The following CCDC192 variants were observed in gnomAD, a reference collection of about 807,000 sequenced individuals.
The protein encoded by CCDC192 is coiled-coil domain containing 192, also known as coiled-coil domain-containing protein 192.
intron 2 of CCDC192, among the ~76,000 whole-genome samples, chr5:127,730,324 A>G (rs956490549): frequency 2.6e-5 from 4 of 152,202 alleles, no homozygotes; most frequent in African/African-American, 2.4e-5. Flanking sequence ...CTGAACCAAT[A>G]TGAAGTTGAT....
intron 2 of CCDC192, among the ~76,000 whole-genome samples, chr5:127,743,463 A>T (rs1753544312): frequency 6.6e-6 from 1 of 152,296 alleles, no homozygotes; most frequent in South Asian, 2.1e-4. Flanking sequence ...AAATGTTGAG[A>T]CGCAGACAAA....
intron 6 of CCDC192, among the ~76,000 whole-genome samples, chr5:127,918,477 T>G (rs1753594510): frequency 6.6e-6 from 1 of 152,206 alleles, no homozygotes; most frequent in Admixed American, 6.5e-5. Context: ...GTCATTGTTT[T>G]ATCCCCAAGG....
chr5:127,836,191 G>A (rs1164039568), intron 5 of CCDC192, among the ~76,000 whole-genome samples: 1 of 152,128 alleles, frequency 6.6e-6, no homozygotes, highest in Non-Finnish European at 1.5e-5. Context: ...AATCCAGCAG[G>A]GCAGTCAAAT....
chr5:127,911,029 C>T (rs1341318745), intron 6 of CCDC192, among the ~76,000 whole-genome samples: 2 of 152,116 alleles, frequency 1.3e-5, no homozygotes, highest in African/African-American at 2.4e-5. Context: ...GACCTTCAAA[C>T]TTTGTAAACA....
intron 6 of CCDC192, among the ~76,000 whole-genome samples, chr5:127,923,602 C>T (rs1275524946): frequency 1.3e-5 from 2 of 152,190 alleles, no homozygotes; most frequent in East Asian, 3.9e-4. Context: ...TGGTCTTGAT[C>T]TTCTGACCTT....
At chr5:127,786,919 A>G (rs1250703237) in intron 3 of CCDC192, 5 of 418,638 alleles carry the variant, frequency 1.2e-5, no homozygotes, top group South Asian at 2.2e-5. Flanking sequence ...AGCTCCATGT[A>G]TCTGGACCTG....
At chr5:127,745,266 G>T (rs544948740) in intron 2 of CCDC192, among the ~76,000 whole-genome samples, 15 of 152,154 alleles carry the variant, frequency 9.9e-5, no homozygotes, top group Admixed American at 1.3e-4. Context: ...AGAAATAAAG[G>T]CTTAACAGCA....
At chr5:127,786,416 C>T in intron 3 of CCDC192, 1 of 622,576 alleles carries the variant, frequency 1.6e-6, no homozygotes, top group Non-Finnish European at 3.0e-6. Flanking sequence ...CATCTTCCTT[C>T]AGCTCCAATT....
intron 3 of CCDC192, among the ~76,000 whole-genome samples, chr5:127,772,390 G>C (rs574004059): frequency 8.6e-5 from 13 of 151,636 alleles, no homozygotes; most frequent in Middle Eastern, 3.4e-3. Flanking sequence ...ACCTGTGTTG[G>C]GGGGGTGCGG....
At chr5:127,882,843 T>C (rs1358913248) in intron 6 of CCDC192, among the ~76,000 whole-genome samples, 1 of 151,934 alleles carries the variant, frequency 6.6e-6, no homozygotes, top group Non-Finnish European at 1.5e-5. Flanking sequence ...TTGAACAATG[T>C]CACCTTTTCC....
At chr5:127,878,681 C>T (rs553880862) in intron 6 of CCDC192, among the ~76,000 whole-genome samples, 21 of 152,132 alleles carry the variant, frequency 1.4e-4, no homozygotes, top group African/African-American at 4.6e-4. Flanking sequence ...ATTGCCTTGG[C>T]GATGCGGGCT....
At chr5:127,850,662 T>G (rs962293279) in intron 5 of CCDC192, among the ~76,000 whole-genome samples, 1 of 151,932 alleles carries the variant, frequency 6.6e-6, no homozygotes, top group African/African-American at 2.4e-5. Flanking sequence ...ACTAGCAAAT[T>G]TCGGTTTCCA....
intron 2 of CCDC192, among the ~76,000 whole-genome samples, chr5:127,714,382 G>A (rs904954937): frequency 1.3e-5 from 2 of 151,964 alleles, no homozygotes; most frequent in Admixed American, 1.3e-4. Flanking sequence ...TGGATCATAG[G>A]GTAGTTTATT....
At chr5:127,797,761 A>G (rs1025999493) in intron 4 of CCDC192, among the ~76,000 whole-genome samples, 1 of 11,392 alleles carries the variant, frequency 8.8e-5, no homozygotes, top group Non-Finnish European at 2.7e-4. Flanking sequence ...ATATATATAT[A>G]TATATATATA....
At chr5:127,912,031 C>T (rs754536833) in intron 6 of CCDC192, among the ~76,000 whole-genome samples, 1 of 151,878 alleles carries the variant, frequency 6.6e-6, no homozygotes, top group African/African-American at 2.4e-5. Context: ...AAGCAGTTCT[C>T]CTGCCTCAGC....
intron 5 of CCDC192, among the ~76,000 whole-genome samples, chr5:127,834,591 C>T (rs1020321063): frequency 2.0e-5 from 3 of 152,140 alleles, no homozygotes; most frequent in African/African-American, 7.2e-5. Flanking sequence ...ATGCGATATT[C>T]ATAGTATCTT....
intron 6 of CCDC192, among the ~76,000 whole-genome samples, chr5:127,895,671 C>T (rs1234076078): frequency 5.3e-5 from 8 of 151,930 alleles, no homozygotes; most frequent in Non-Finnish European, 1.2e-4. Flanking sequence ...AAAACCCTGT[C>T]TCTACTAAAA....
At chr5:127,822,976 A>G (rs904627029) in intron 5 of CCDC192, among the ~76,000 whole-genome samples, 8 of 152,066 alleles carry the variant, frequency 5.3e-5, no homozygotes, top group African/African-American at 1.7e-4. Context: ...GAGAGAAAGA[A>G]CCAGGGCCCT....
chr5:127,844,820 C>T (rs372430815), intron 5 of CCDC192, among the ~76,000 whole-genome samples: 2 of 152,186 alleles, frequency 1.3e-5, no homozygotes, highest in African/African-American at 2.4e-5. Context: ...CAGCTGACAC[C>T]GTCAGCAGGT....
Sources: allele counts gnomAD v4.1 joint callset (sites outside exome capture counted in the v4.1 genomes callset), GRCh38; gene constraint gnomAD v4.1.1; transcripts MANE v1.5; gene names NCBI Gene and HGNC (gene_info 2026-07-23, HGNC 2026-07-21).